The following MGLL variants were observed in gnomAD, a reference collection of about 807,000 sequenced individuals.
MGLL encodes lysophospholipase homolog.
Under a neutral mutation model 29.1 loss-of-function variants are expected in MGLL, and 7 were observed. The observed-to-expected ratio is 0.24, with a 90% CI of 0.14 to 0.45. MGLL has a LOEUF of 0.45. Among genes scored for constraint, MGLL ranks in the 20% least tolerant of loss-of-function variants. The pLI is 0.99. For synonymous variants in MGLL, 148 were observed against 168.3 expected (o/e 0.88, Z 0.93); for missense variants, 356 against 413.6 (o/e 0.86, Z 1.21).
At chr3:127,768,078 GA>G (rs1307811215) in intron 3 of MGLL, among the ~76,000 whole-genome samples, 1 of 152,114 alleles carries the variant, frequency 6.6e-6, no homozygotes, top group Non-Finnish European at 1.5e-5. Context: ...CAAACTCCTT[GA>G]AAAACACTAC....
chr3:127,806,436 G>A lies in MGLL; in HGVS notation c.155+15258C>T, dbSNP rs563493392. ...GAATAAATGGATGGATGGGTGGATT[G>A]GTGAATGGATGGGTGGAAGGGTGGA... is the stretch of plus-strand genomic sequence containing the variant. On this transcript the variant is annotated intron_variant, in intron 2 of 7. Coordinates refer to ENST00000265052, the MANE Select transcript of MGLL (RefSeq NM_007283.7). 2.0e-5 allele frequency among the ~76,000 whole-genome samples: 3 copies of A among 152,178 alleles called. No homozygotes were observed. In the East Asian group the frequency reaches 5.8e-4, roughly 29 times the overall value.
intron 2 of MGLL, among the ~76,000 whole-genome samples, chr3:127,802,039 A>C (rs905477804): frequency 6.6e-6 from 1 of 152,098 alleles, no homozygotes. Flanking sequence ...TCTCAGACCA[A>C]GTCCCTACCC....
At chr3:127,786,727 G>A (rs536144616) in intron 2 of MGLL, among the ~76,000 whole-genome samples, 3 of 152,352 alleles carry the variant, frequency 2.0e-5, no homozygotes, top group South Asian at 4.1e-4. Context: ...TCGCTCACCC[G>A]TGAAGTGGGG....
At chr3:127,704,862 T>C (rs1284233855) in intron 6 of MGLL, among the ~76,000 whole-genome samples, 1 of 152,086 alleles carries the variant, frequency 6.6e-6, no homozygotes, top group Non-Finnish European at 1.5e-5. Context: ...TCCCTTTGGG[T>C]ATTACTGGGT....
At chr3:127,781,666 A>T in intron 3 of MGLL, 123 bp downstream of exon 3, 1 of 938,512 alleles carries the variant, frequency 1.1e-6, no homozygotes, top group Non-Finnish European at 1.7e-6. Flanking sequence ...ACATTTTTTT[A>T]CTTTGAAACA....
At chr3:127,812,774 G>A (rs2107753234) in intron 2 of MGLL, among the ~76,000 whole-genome samples, 1 of 152,336 alleles carries the variant, frequency 6.6e-6, no homozygotes, top group South Asian at 2.1e-4. Context: ...ATGTGGGAAA[G>A]GTGCTATTAG....
At chr3:127,756,116 C>T (rs896590826) in intron 3 of MGLL, among the ~76,000 whole-genome samples, 1 of 152,222 alleles carries the variant, frequency 6.6e-6, no homozygotes, top group Non-Finnish European at 1.5e-5. Flanking sequence ...GGCTGGAACT[C>T]TCACAGCCAT....
intron 2 of MGLL, among the ~76,000 whole-genome samples, chr3:127,798,401 C>T: frequency 6.6e-6 from 1 of 152,144 alleles, no homozygotes; most frequent in Non-Finnish European, 1.5e-5. Context: ...AGTCCTGGGG[C>T]TCCGAAGTAC....
chr3:127,765,464 TGG>T (rs1353410195), intron 3 of MGLL, among the ~76,000 whole-genome samples: 8 of 152,254 alleles, frequency 5.3e-5, no homozygotes, highest in Non-Finnish European at 7.3e-5. Context: ...AGTGTCCATT[TGG>T]CTTCCAAAGC....
intron 3 of MGLL, among the ~76,000 whole-genome samples, chr3:127,726,501 G>A (rs560561618): frequency 3.3e-5 from 5 of 152,106 alleles, no homozygotes; most frequent in East Asian, 1.9e-4. Flanking sequence ...GTGCAGTGGC[G>A]CAATCTCGGC....
chr3:127,773,763 G>A (rs1056676467), intron 3 of MGLL, among the ~76,000 whole-genome samples: 17 of 152,148 alleles, frequency 1.1e-4, no homozygotes, highest in African/African-American at 3.1e-4. Flanking sequence ...ACTCAGGCTC[G>A]CCACTGTTGG....
intron 2 of MGLL, among the ~76,000 whole-genome samples, chr3:127,805,186 G>A (rs977197250): frequency 6.6e-6 from 1 of 152,144 alleles, no homozygotes; most frequent in Non-Finnish European, 1.5e-5. Flanking sequence ...TTCTTTCCTG[G>A]AAGGAGAACA....
At chr3:127,694,848 C>T in intron 7 of MGLL, 127 bp downstream of exon 7, 1 of 814,486 alleles carries the variant, frequency 1.2e-6, no homozygotes, top group Non-Finnish European at 2.0e-6. Flanking sequence ...CTCGGTCAAG[C>T]AGGCTGGTCC....
chr3:127,746,361 C>T (rs78548233), intron 3 of MGLL, among the ~76,000 whole-genome samples: 30,743 of 152,102 alleles, frequency 0.2, 3,892 homozygotes, highest in Admixed American at 0.29. Flanking sequence ...GCTCACAGCA[C>T]TCTCTTGTCC....
intron 6 of MGLL, among the ~76,000 whole-genome samples, chr3:127,704,105 C>G (rs995412549): frequency 2.0e-5 from 3 of 152,168 alleles, no homozygotes; most frequent in Non-Finnish European, 2.9e-5. Flanking sequence ...TTTAACAAAC[C>G]TGATGAAAAC....
chr3:127,742,116 C>G (rs115440440), intron 3 of MGLL, among the ~76,000 whole-genome samples: 1 of 152,154 alleles, frequency 6.6e-6, no homozygotes, highest in East Asian at 1.9e-4. Flanking sequence ...AGTTCTAATA[C>G]ATAGAACTAA....
At chr3:127,710,867 T>C in intron 5 of MGLL, 2 of 600,506 alleles carry the variant, frequency 3.3e-6, no homozygotes, top group Non-Finnish European at 6.1e-6. Flanking sequence ...CTGGCTCTGC[T>C]CCACCTTGGG....
rs370750399 is a variant in MGLL at position 127,770,632 on chromosome 3, A to G, written c.262+11157T>C. On this transcript the variant is annotated intron_variant, in intron 3 of 7. Coordinates refer to ENST00000265052, the MANE Select transcript of MGLL (RefSeq NM_007283.7). ...AGGCGTGAGGGCCAGGTGCAGCTGCATAGAGGGAGTCCCGTAAATGAACAG... is the reference window on the plus strand; with the variant it reads ...AGGCGTGAGGGCCAGGTGCAGCTGCGTAGAGGGAGTCCCGTAAATGAACAG... Among the ~76,000 whole-genome samples, 10 of 152,308 alleles carry G rather than the reference A, an allele frequency of 6.6e-5. 2 individuals carry two copies. The highest frequency in any genetic ancestry group is 2.1e-4 in the South Asian group (1 of 4,830).
rs143620305 is a variant in MGLL at position 127,714,885 on chromosome 3, G to A, written c.511-4220C>T. On this transcript the variant is annotated intron_variant, in intron 5 of 7. Transcript: ENST00000265052. ...TCTTCCCAGGAAGATGGAACCGCCT[G>A]TACTGTTCTGTTCCTTCAATCCAGT... Among the ~76,000 whole-genome samples the A allele has an allele frequency of 5.4e-3, 817 of 152,344 alleles. 6 individuals carry two copies. The highest frequency in any genetic ancestry group is 0.018 in the African/African-American group (768 of 41,572).
Sources: allele counts gnomAD v4.1 joint callset (sites outside exome capture counted in the v4.1 genomes callset), GRCh38; gene constraint gnomAD v4.1.1; transcripts MANE v1.5; gene names NCBI Gene and HGNC (gene_info 2026-07-23, HGNC 2026-07-21).